Variants in DNAH14 observed in about 807,000 individuals in gnomAD.
DNAH14 encodes the protein axonemal beta dynein heavy chain 14.
Under a neutral mutation model 520.9 loss-of-function variants are expected in DNAH14, and 478 were observed. That is an observed-to-expected ratio of 0.92 (90% CI 0.85 to 0.99). DNAH14 has a LOEUF of 0.99. DNAH14 is among the 50% of genes least tolerant of loss of function. DNAH14 has a pLI of 0.00. For missense variants in DNAH14, 4,831 were observed against 5,234.5 expected, an observed-to-expected ratio of 0.92 and a Z score of 2.38; for synonymous variants, 1,581 against 1,757.2, an observed-to-expected ratio of 0.90 and a Z score of 2.51.
intron 27 of DNAH14, among the ~76,000 whole-genome samples, chr1:225,139,788 AG>A (rs2079267146): frequency 6.6e-6 from 1 of 152,170 alleles, no homozygotes; most frequent in African/African-American, 2.4e-5. Flanking sequence ...AAATGTCTCA[AG>A]GGCAGCAGTA....
intron 52 of DNAH14, among the ~76,000 whole-genome samples, chr1:225,273,350 G>A (rs367932582): frequency 6.6e-6 from 1 of 152,234 alleles, no homozygotes; most frequent in African/African-American, 2.4e-5. Flanking sequence ...AGAATGGCGT[G>A]AACCCGGGAG....
rs974470256 is a variant in DNAH14 at position 224,946,187 on chromosome 1, C to T, written c.-33-6483C>T. Among the ~76,000 whole-genome samples the T allele has an allele frequency of 2.0e-5, 3 of 152,276 alleles. 1 individual carries two copies. The East Asian group carries it at 5.8e-4, about 29-fold the overall frequency. On this transcript the variant is annotated intron_variant, in intron 1 of 85. Coordinates refer to ENST00000682510, the MANE Select transcript of DNAH14 (RefSeq NM_001367479.1). ...CTTTGTTTACCTACTCAAGCTTTGG[C>T]AATTATGGGCGCCCCTCCCTCAGTC...
intron 23 of DNAH14, among the ~76,000 whole-genome samples, chr1:225,104,427 T>A (rs1256290734): frequency 6.6e-6 from 1 of 152,204 alleles, no homozygotes; most frequent in Non-Finnish European, 1.5e-5. Context: ...ATTCCCTCTT[T>A]TTCTATTGTT....
intron 11 of DNAH14, among the ~76,000 whole-genome samples, chr1:225,032,418 T>C (rs1296169447): frequency 6.6e-6 from 1 of 152,168 alleles, no homozygotes. Context: ...ATCTCATTCT[T>C]TTATATGGCT....
chr1:225,383,375 C>T (rs2095802803), intron 81 of DNAH14, among the ~76,000 whole-genome samples: 1 of 152,226 alleles, frequency 6.6e-6, no homozygotes, highest in South Asian at 2.1e-4. Flanking sequence ...GGAACCCCCA[C>T]TCCAATGACC....
intron 44 of DNAH14, 31 bp from the exon 45 acceptor site, chr1:225,257,929 A>C (rs1211773493): frequency 6.7e-7 from 1 of 1,503,318 alleles, no homozygotes; most frequent in African/African-American, 1.4e-5. Context: ...TTTCTAGGTC[A>C]TTTGAAACTT....
chr1:225,305,746 G>T (rs1287779226), intron 58 of DNAH14, among the ~76,000 whole-genome samples: 1 of 152,180 alleles, frequency 6.6e-6, no homozygotes, highest in South Asian at 2.1e-4. Context: ...AAGGGCTGCC[G>T]AGGCACCATG....
At chr1:225,063,328 A>G (rs1235563163) in intron 17 of DNAH14, among the ~76,000 whole-genome samples, 2 of 152,176 alleles carry the variant, frequency 1.3e-5, no homozygotes, top group African/African-American at 4.8e-5. Flanking sequence ...ATTACTTATA[A>G]TACCAAATAC....
At chr1:225,049,743 G>C (rs1036896162) in intron 15 of DNAH14, among the ~76,000 whole-genome samples, 8 of 150,500 alleles carry the variant, frequency 5.3e-5, no homozygotes, top group African/African-American at 2.0e-4. Context: ...TCTAGGTTGA[G>C]GTTTGTTTAT....
chr1:225,332,060 A>G (rs1263677372), intron 65 of DNAH14, among the ~76,000 whole-genome samples: 1 of 152,050 alleles, frequency 6.6e-6, no homozygotes, highest in Non-Finnish European at 1.5e-5. Flanking sequence ...AGAACATTTT[A>G]TTTTGTTCTG....
rs544439546 is a variant in DNAH14, at chr1:225,188,297, A to G, written c.5670+2872A>G. Among the ~76,000 whole-genome samples the G allele has an allele frequency of 3.5e-3, 534 of 151,998 alleles. 4 individuals carry two copies. Among genetic ancestry groups the G allele is most frequent in the African/African-American group, 0.012 (517 of 41,534 alleles). ...ATGCCTACATCATTCACCTTAGTTC[A>G]TCTCTTTATATTGGCATTTTATCAT... On this transcript the variant is annotated intron_variant, in intron 37 of 85. Transcript: ENST00000682510.
At chr1:225,164,784 T>C (rs2081883384) in intron 35 of DNAH14, among the ~76,000 whole-genome samples, 1 of 152,132 alleles carries the variant, frequency 6.6e-6, no homozygotes, top group Admixed American at 6.5e-5. Flanking sequence ...TCTTTGGTCT[T>C]CCCCACACTT....
intron 8 of DNAH14, among the ~76,000 whole-genome samples, chr1:224,995,456 TATCTC>T (rs757510911): frequency 2.6e-5 from 4 of 152,130 alleles, no homozygotes; most frequent in Non-Finnish European, 5.9e-5. Context: ...ATCTGTTTCT[TATCTC>T]TTGCTGCTCT....
chr1:224,947,537 T>C (rs921325938), intron 1 of DNAH14, among the ~76,000 whole-genome samples: 2 of 152,142 alleles, frequency 1.3e-5, no homozygotes, highest in East Asian at 3.8e-4. Flanking sequence ...ATCCTCTTGA[T>C]TGAGGTTTAT....
chr1:225,046,898 A>G (rs2068013655), intron 15 of DNAH14, among the ~76,000 whole-genome samples: 1 of 151,892 alleles, frequency 6.6e-6, no homozygotes, highest in Admixed American at 6.6e-5. Context: ...CCTTCAATAT[A>G]CCTCCATCCT....
At chr1:225,339,315 A>T (rs2095131145) in intron 68 of DNAH14, among the ~76,000 whole-genome samples, 1 of 152,114 alleles carries the variant, frequency 6.6e-6, no homozygotes, top group Non-Finnish European at 1.5e-5. Flanking sequence ...CTGTCTGAAA[A>T]AATAATAATA....
chr1:225,089,464 A>AAAAAAAAAAAC (rs775049047), intron 21 of DNAH14, among the ~76,000 whole-genome samples: 1 of 138,406 alleles, frequency 7.2e-6, no homozygotes. Context: ...AAAAAAAAAA[A>AAAAAAAAAAAC]AGAGAGCGAG....
intron 1 of DNAH14, among the ~76,000 whole-genome samples, chr1:224,944,153 G>T (rs1275375500): frequency 2.0e-5 from 3 of 152,076 alleles, no homozygotes; most frequent in Non-Finnish European, 4.4e-5. Flanking sequence ...GGTCTCTAAG[G>T]ACTTGCTTTA....
chr1:225,185,423 A>G lies in DNAH14; in HGVS notation c.5668A>G (p.Lys1890Glu). 3 of 1,532,438 alleles carry G rather than the reference A, an allele frequency of 2.0e-6. No homozygotes were observed. The highest frequency in any genetic ancestry group is 2.6e-6 in the Non-Finnish European group (3 of 1,140,538). The allele number at this position is 1,532,438 out of a possible 1,614,324, so 94.9% of individuals were successfully genotyped here. The change falls in exon 37 of 86, where the codon AAG (lysine) becomes GAG (glutamate). Residue 1890 changes from lysine (K) to glutamate (E), a missense_variant and splice_region_variant. Physicochemically the swap from Lys to Glu is moderately conservative, Grantham distance 56 (BLOSUM62 1). Transcript: ENST00000682510. ...AGTTGCAGAAAGAAAATCTGCTTCAAAGGTAAATGTTCTGTTAAATAAAAT... is the reference window on the plus strand; with the variant it reads ...AGTTGCAGAAAGAAAATCTGCTTCAGAGGTAAATGTTCTGTTAAATAAAAT... ...LSVAERKSAS[K>E]ISERKGKVDI...
Sources: allele counts gnomAD v4.1 joint callset (sites outside exome capture counted in the v4.1 genomes callset), GRCh38; gene constraint gnomAD v4.1.1; transcripts MANE v1.5; gene names NCBI Gene and HGNC (gene_info 2026-07-23, HGNC 2026-07-21).